RANBP3: variants seen among roughly 807,000 people sequenced by gnomAD.
The protein encoded by RANBP3 is RAN binding protein 3.
A neutral mutation model predicts 77.3 loss-of-function variants in RANBP3; 14 were observed. That is an observed-to-expected ratio of 0.18 (90% CI 0.12 to 0.28). The LOEUF is 0.28. Among genes scored for constraint, RANBP3 ranks in the 10% least tolerant of loss-of-function variants. The pLI, the probability that RANBP3 is intolerant of heterozygous loss-of-function variation, is 1.00. For synonymous variants in RANBP3, 315 were observed against 312.4 expected, an observed-to-expected ratio of 1.01 and a Z score of -0.09; for missense variants, 586 against 752.3, an observed-to-expected ratio of 0.78 and a Z score of 2.59.
At chr19:5,966,661 T>C (rs2058471103) in intron 1 of RANBP3, among the ~76,000 whole-genome samples, 1 of 152,206 alleles carries the variant, frequency 6.6e-6, no homozygotes, top group Non-Finnish European at 1.5e-5. Context: ...TCATGGAGGA[T>C]CTCCCGCTAA....
chr19:5,935,932 G>T (rs1424732675), intron 5 of RANBP3: 2 of 400,072 alleles, frequency 5.0e-6, no homozygotes, highest in Non-Finnish European at 1.0e-5. Context: ...AGAGGATGCT[G>T]CACCAGTCTC....
Position 5,921,211 on chromosome 19 carries a change from C to T in RANBP3, c.1320G>A (p.Gln440=). The change falls in exon 14 of 17, where the codon CAG becomes CAA. Residue 440 remains glutamine (Q), a synonymous_variant. Transcript: ENST00000340578. This position sits in a 1 kb window ranked among gnomAD's most constrained non-coding sequence, Gnocchi z 5.3. Reference sequence around the variant, plus strand: ...CCGTCGGCAGCTCACCTAGTCGGGACTGTAGTGTGCCGTCATCGGTGGACG... The same window carrying T: ...CCGTCGGCAGCTCACCTAGTCGGGATTGTAGTGTGCCGTCATCGGTGGACG... ...DMASTDDGTL[Q]SRLVMRTQGS... is the part of the protein sequence containing the mutation. 3.7e-6 allele frequency: 6 copies of T among 1,612,188 alleles called. No homozygotes were observed. Among genetic ancestry groups the T allele is most frequent in the South Asian group, 1.1e-5 (1 of 91,026 alleles).
chr19:5,928,109 C>T (rs780416395), intron 8 of RANBP3, 22 bp from the exon 9 acceptor site: 1 of 1,602,866 alleles, frequency 6.2e-7, no homozygotes, highest in Admixed American at 1.7e-5. Flanking sequence ...CAAAACAAAA[C>T]AGAGTAATCA....
chr19:5,953,234 C>T (rs2058296497), intron 2 of RANBP3, among the ~76,000 whole-genome samples: 1 of 152,224 alleles, frequency 6.6e-6, no homozygotes, highest in African/African-American at 2.4e-5. Flanking sequence ...GTCATTCCAG[C>T]ATTTTCTACT....
chr19:5,926,686 C>T (rs954854501), intron 9 of RANBP3, among the ~76,000 whole-genome samples: 2 of 152,138 alleles, frequency 1.3e-5, no homozygotes, highest in African/African-American at 4.8e-5. Context: ...CAGCTGTCTC[C>T]CCAGACTCAA....
intron 5 of RANBP3, among the ~76,000 whole-genome samples, chr19:5,939,257 C>T (rs888110038): frequency 6.6e-5 from 10 of 152,174 alleles, no homozygotes; most frequent in Admixed American, 1.3e-4. Context: ...TACATTTCTT[C>T]ACAGGTTGTT....
intron 5 of RANBP3, among the ~76,000 whole-genome samples, chr19:5,934,977 G>C (rs745627429): frequency 2.0e-5 from 3 of 152,234 alleles, no homozygotes; most frequent in Admixed American, 6.5e-5. Flanking sequence ...AAGGGAGGGG[G>C]TTGGGGGCAG....
chr19:5,929,941 C>G (rs374510780), intron 8 of RANBP3, among the ~76,000 whole-genome samples: 6 of 152,332 alleles, frequency 3.9e-5, no homozygotes, highest in East Asian at 1.9e-4. Flanking sequence ...TGAGCTCAAC[C>G]ATTTGGGAAC....
chr19:5,949,415 T>C (rs1193225431), intron 3 of RANBP3, among the ~76,000 whole-genome samples: 2 of 152,232 alleles, frequency 1.3e-5, no homozygotes, highest in African/African-American at 4.8e-5. Flanking sequence ...CAGGGTGTTC[T>C]CTGCAGACAG....
chr19:5,921,111 G>C lies in RANBP3; in HGVS notation c.1330+90C>G, dbSNP rs960274902. 21 of 1,466,998 alleles carry C rather than the reference G, an allele frequency of 1.4e-5. No homozygotes were observed. Among genetic ancestry groups the C allele is most frequent in the Non-Finnish European group, 1.9e-5 (21 of 1,091,324 alleles). 90.9% of individuals were successfully genotyped at this position (1,466,998 alleles called of 1,614,324 possible). ...TTGACTCTCACAAGGGTAGGGTCAG[G>C]ATCTCCCCCGCTTCATTCCCTTTGG... On this transcript the variant is annotated intron_variant, in intron 14 of 16. Coordinates refer to ENST00000340578, the MANE Select transcript of RANBP3 (RefSeq NM_007322.3). This position sits in a 1 kb window ranked among gnomAD's most constrained non-coding sequence, Gnocchi z 5.3.
In RANBP3 at chr19:5,918,499, G is replaced by C. The variant is rs778489008; in HGVS notation, c.1470C>G (p.Ile490Met). The C allele has an allele frequency of 1.6e-5, 25 of 1,610,340 alleles. No homozygotes were observed. The highest frequency in any genetic ancestry group is 2.1e-5 in the Non-Finnish European group (25 of 1,178,786). The change falls in exon 15 of 17, where the codon ATC (isoleucine) becomes ATG (methionine). Residue 490 changes from isoleucine (I) to methionine (M), a missense_variant. By Grantham distance (10) the Ile-to-Met change is conservative. Transcript: ENST00000340578. ...TGCACCCGCGTGGCTGGCTCACCGA[G>C]ATCAGGAAGACCTTCACGCCCTGGT... ...TEDQGVKVFLISASSKDTGQL... is the reference protein window; with the variant it reads ...TEDQGVKVFLMSASSKDTGQL...
At chr19:5,964,042 G>A (rs1374049071) in intron 1 of RANBP3, among the ~76,000 whole-genome samples, 1 of 152,180 alleles carries the variant, frequency 6.6e-6, no homozygotes, top group East Asian at 1.9e-4. Context: ...ACTGAAAGGA[G>A]TGAGCCCCTG....
chr19:5,957,816 G>T, intron 2 of RANBP3, 102 bp downstream of exon 2: 2 of 1,251,158 alleles, frequency 1.6e-6, no homozygotes, highest in South Asian at 1.2e-5. Context: ...CCCCGTCTGT[G>T]GGCAGAAGTG....
intron 8 of RANBP3, among the ~76,000 whole-genome samples, chr19:5,929,847 T>G (rs1357926307): frequency 6.6e-6 from 1 of 152,220 alleles, no homozygotes; most frequent in Admixed American, 6.5e-5. Flanking sequence ...TGTGGCCGCA[T>G]GGCTCCACCC....
intron 3 of RANBP3, 101 bp from the exon 4 acceptor site, chr19:5,941,936 A>G: frequency 7.3e-7 from 1 of 1,371,074 alleles, no homozygotes; most frequent in African/African-American, 1.4e-5. Flanking sequence ...CACCACGGGC[A>G]GCTAGTTCCC....
At chr19:5,918,397 C>A (rs921848320) in intron 15 of RANBP3, 99 bp downstream of exon 15, 5 of 313,136 alleles carry the variant, frequency 1.6e-5, no homozygotes, top group South Asian at 4.1e-5. Context: ...AGCCCCTCCC[C>A]CCTCCCCTCC....
intron 3 of RANBP3, among the ~76,000 whole-genome samples, chr19:5,949,234 G>A (rs560397770): frequency 6.6e-6 from 1 of 152,348 alleles, no homozygotes; most frequent in South Asian, 2.1e-4. Flanking sequence ...TGATGCAAAC[G>A]AAAACGGTCT....
In RANBP3 at chr19:5,932,762, C is replaced by A. The variant is rs1248431965; in HGVS notation, c.473-218G>T. ...ATTACATGAAACTCCCAGTGACCGA[C>A]GCCTGTGAATTAATCCAGTTAGCAC... On this transcript the variant is annotated intron_variant, in intron 6 of 16. Coordinates refer to ENST00000340578, the MANE Select transcript of RANBP3 (RefSeq NM_007322.3). 4 of 566,208 alleles carry A rather than the reference C, an allele frequency of 7.1e-6. No homozygotes were observed. In the Admixed American group the frequency reaches 9.5e-5, roughly 13 times the overall value. 35.1% of individuals were successfully genotyped at this position (566,208 alleles called of 1,614,324 possible).
intron 9 of RANBP3, among the ~76,000 whole-genome samples, chr19:5,926,820 C>T (rs1266410653): frequency 2.0e-5 from 3 of 152,170 alleles, no homozygotes; most frequent in Non-Finnish European, 4.4e-5. Context: ...GCAACAGCAA[C>T]ATCAACTTTC....
Sources: gnomAD v4.1 joint callset for allele counts (sites outside exome capture counted in the v4.1 genomes callset) on GRCh38, gnomAD v4.1.1 for gene constraint, Gnocchi (gnomAD v3.1) non-coding constraint, MANE v1.5 for transcripts, NCBI Gene and HGNC (gene_info 2026-07-23, HGNC 2026-07-21) for gene names.